UBQLN1: variants seen among roughly 807,000 people sequenced by gnomAD.
UBQLN1 encodes the protein ubiquilin 1.
Under a neutral mutation model 65.4 loss-of-function variants are expected in UBQLN1, and 13 were observed. The ratio of observed to expected loss-of-function variants is 0.20; its 90% CI spans 0.13 to 0.32. UBQLN1 has a LOEUF of 0.32. Ranked by LOEUF, UBQLN1 falls within the 10% of genes least tolerant of loss-of-function variation. UBQLN1 has a pLI of 1.00. For synonymous variants in UBQLN1, 267 were observed against 247.8 expected (o/e 1.08, Z -0.73); for missense variants, 561 against 724.0 (o/e 0.77, Z 2.58).
rs763820056 is a variant in UBQLN1, at chr9:83,677,742, C to T, written c.1090G>A (p.Val364Met). The T allele has an allele frequency of 6.2e-7, 1 of 1,612,034 alleles. No individual in the cohort carries two copies. Among genetic ancestry groups the T allele is most frequent in the South Asian group, 1.1e-5 (1 of 90,860 alleles). Residue 364 changes from valine to methionine, a missense_variant, in exon 6 of 11, where the codon GTG (valine) becomes ATG (methionine). Transcript: ENST00000376395. ...SGQSTTAPNLVPGVGASMFNT... is the reference protein window; with the variant it reads ...SGQSTTAPNLMPGVGASMFNT... ...AAAAGCATACCTCCTACTCCAGGCA[C>T]CAAATTTGGCGCAGTAGTACTCTGC...
chr9:83,697,987 C>T (rs548200727), intron 1 of UBQLN1, among the ~76,000 whole-genome samples: 13 of 152,224 alleles, frequency 8.5e-5, no homozygotes, highest in Non-Finnish European at 1.6e-4. Flanking sequence ...CCACCCGCCT[C>T]GGCCTCCCAG....
At chr9:83,689,168 T>C (rs776135233) in intron 1 of UBQLN1, among the ~76,000 whole-genome samples, 45 of 152,362 alleles carry the variant, frequency 3.0e-4, no homozygotes, top group Non-Finnish European at 3.7e-4. Flanking sequence ...TGCAATATTA[T>C]AACATATGGT....
chr9:83,696,195 T>C (rs752766787), intron 1 of UBQLN1, among the ~76,000 whole-genome samples: 3 of 152,206 alleles, frequency 2.0e-5, no homozygotes, highest in African/African-American at 4.8e-5. Flanking sequence ...GCCATCATGA[T>C]TGTATACACT....
chr9:83,703,140 T>C (rs1832338768), intron 1 of UBQLN1, among the ~76,000 whole-genome samples: 1 of 144,112 alleles, frequency 6.9e-6, no homozygotes, highest in South Asian at 2.3e-4. Flanking sequence ...CTCTTTTCAA[T>C]AGCTGATGAT....
chr9:83,698,804 T>C (rs887768540), intron 1 of UBQLN1, among the ~76,000 whole-genome samples: 4 of 151,892 alleles, frequency 2.6e-5, no homozygotes, highest in Non-Finnish European at 5.9e-5. Context: ...TCCCAGCTAC[T>C]TGGGGGGCTA....
intron 5 of UBQLN1, 110 bp from the exon 6 acceptor site, chr9:83,678,071 G>C (rs1412555744): frequency 9.5e-6 from 8 of 838,736 alleles, no homozygotes; most frequent in Non-Finnish European, 1.4e-5. Context: ...ACCCAGGCTG[G>C]AGTGCAGTGG....
intron 1 of UBQLN1, among the ~76,000 whole-genome samples, chr9:83,701,539 G>T (rs1406726603): frequency 6.6e-6 from 1 of 152,148 alleles, no homozygotes. Flanking sequence ...AAGCAAATTT[G>T]TCTAGCAGGC....
At chr9:83,691,086 CA>C (rs1832119901) in intron 1 of UBQLN1, among the ~76,000 whole-genome samples, 2 of 150,478 alleles carry the variant, frequency 1.3e-5, no homozygotes, top group Admixed American at 6.6e-5. Flanking sequence ...TGCAGTGAGC[CA>C]AAATCGCGCC....
chr9:83,666,697 C>A, intron 7 of UBQLN1: 1 of 326,508 alleles, frequency 3.1e-6, no homozygotes, highest in Non-Finnish European at 5.7e-6. Context: ...TAAAAGCAAT[C>A]ATTTTCTTAG....
At chr9:83,672,115 G>A (rs1458478756) in intron 6 of UBQLN1, among the ~76,000 whole-genome samples, 1 of 152,144 alleles carries the variant, frequency 6.6e-6, no homozygotes, top group Admixed American at 6.5e-5. Flanking sequence ...AGCTTTCATA[G>A]AATTAAAGAG....
chr9:83,680,020 C>A lies in UBQLN1; in HGVS notation c.466G>T (p.Ala156Ser). 6.2e-7 allele frequency: 1 copy of A among 1,612,762 alleles called. No individual in the cohort carries two copies. The highest frequency in any genetic ancestry group is 8.5e-7 in the Non-Finnish European group (1 of 1,178,890). Residue 156 changes from alanine to serine, a missense_variant, in exon 4 of 11, where the codon GCA becomes TCA. Ala to Ser is a moderately conservative substitution (Grantham distance 99). Transcript: ENST00000376395. ...TTCAAACCCAAGCTACTCAGACCTG[C>A]AAGTCCCCCAAGGCCACCTAAGAGG... ...PFGLGGLGGL[A>S]GLSSLGLNTT...
chr9:83,699,297 C>T lies in UBQLN1; in HGVS notation c.180+8203G>A, dbSNP rs374874794. Among the ~76,000 whole-genome samples, 304 of 152,262 alleles carry T rather than the reference C, an allele frequency of 2.0e-3. 1 individual carries two copies. The highest frequency in any genetic ancestry group is 6.9e-3 in the African/African-American group (287 of 41,542). On this transcript the variant is annotated intron_variant, in intron 1 of 10. Transcript: ENST00000376395. ...ATTGAAAAATTGACTTCAGTCCTTC[C>T]TTTTGATTAAAGTGGCTAATAGGAA... is the stretch of plus-strand genomic sequence containing the variant.
intron 6 of UBQLN1, among the ~76,000 whole-genome samples, chr9:83,672,417 G>A (rs1800467323): frequency 6.6e-6 from 1 of 152,178 alleles, no homozygotes; most frequent in African/African-American, 2.4e-5. Flanking sequence ...AGTAAGAGAT[G>A]CAGGAGTCTT....
Position 83,661,670 on chromosome 9 carries a change from G to A in UBQLN1, c.*117C>T. On this transcript the variant is annotated 3_prime_UTR_variant, in exon 11 of 11. Coordinates refer to ENST00000376395, the MANE Select transcript of UBQLN1 (RefSeq NM_013438.5). Reference sequence around the variant, plus strand: ...ACTCCACCTTAAAATGCATCATATTGGGTTTGTTTATAACAGCACAGAATT... The same window carrying A: ...ACTCCACCTTAAAATGCATCATATTAGGTTTGTTTATAACAGCACAGAATT... The A allele has an allele frequency of 9.0e-7, 1 of 1,117,196 alleles. No homozygotes were observed. 69.2% of individuals were successfully genotyped at this position (1,117,196 alleles called of 1,614,324 possible).
In UBQLN1 at chr9:83,681,690, G is replaced by C. The variant is rs1398158035; in HGVS notation, c.448+1261C>G. On this transcript the variant is annotated intron_variant, in intron 3 of 10. Transcript: ENST00000376395. ...TTCAGTATGACTAACTACAGTAGCA[G>C]ATAGCAGTGCTCACCAAACATTTCA... 2.6e-5 allele frequency among the ~76,000 whole-genome samples: 4 copies of C among 152,340 alleles called. No homozygotes were observed. In the East Asian group the frequency reaches 7.7e-4, roughly 29 times the overall value.
At chr9:83,665,726 G>A (rs1365270016) in intron 8 of UBQLN1, among the ~76,000 whole-genome samples, 1 of 152,160 alleles carries the variant, frequency 6.6e-6, no homozygotes, top group East Asian at 1.9e-4. Flanking sequence ...AGGTCTGAGA[G>A]TCATTTGCAT....
intron 10 of UBQLN1, among the ~76,000 whole-genome samples, chr9:83,662,271 T>TACACACACAC (rs545130983): frequency 5.9e-5 from 6 of 102,334 alleles, no homozygotes; most frequent in African/African-American, 2.4e-4. Flanking sequence ...TACATATACA[T>TACACACACAC]ATACACACAC....
In UBQLN1 at chr9:83,661,685, A is replaced by G; in HGVS notation, c.*102T>C. On this transcript the variant is annotated 3_prime_UTR_variant, in exon 11 of 11. Coordinates refer to ENST00000376395, the MANE Select transcript of UBQLN1 (RefSeq NM_013438.5). Reference sequence around the variant, plus strand: ...GCATCATATTGGGTTTGTTTATAACAGCACAGAATTCCAAGAGTCAAAATG... The same window carrying G: ...GCATCATATTGGGTTTGTTTATAACGGCACAGAATTCCAAGAGTCAAAATG... 2 of 1,313,370 alleles carry G rather than the reference A, an allele frequency of 1.5e-6. No individual in the cohort carries two copies. The highest frequency in any genetic ancestry group is 2.1e-6 in the Non-Finnish European group (2 of 963,382). The allele number at this position is 1,313,370 out of a possible 1,614,324, so 81.4% of individuals were successfully genotyped here.
chr9:83,702,189 C>T (rs775337614), intron 1 of UBQLN1, among the ~76,000 whole-genome samples: 13 of 152,096 alleles, frequency 8.5e-5, no homozygotes, highest in Admixed American at 5.2e-4. Flanking sequence ...AAGGGTACAG[C>T]GTTTCTTTTT....
Sources: allele counts gnomAD v4.1 joint callset (sites outside exome capture counted in the v4.1 genomes callset), GRCh38; gene constraint gnomAD v4.1.1; transcripts MANE v1.5; gene names NCBI Gene and HGNC (gene_info 2026-07-23, HGNC 2026-07-21).